Variants in TTI1 observed in about 807,000 individuals in gnomAD.
TTI1 encodes the protein TELO2-interacting protein 1 homolog.
Under a neutral mutation model 85.4 loss-of-function variants are expected in TTI1, and 52 were observed. The observed-to-expected ratio is 0.61, with a 90% CI of 0.49 to 0.77. The LOEUF (loss-of-function observed/expected upper bound fraction) is 0.77, where lower values mean the gene tolerates loss of function less well. Ranked by LOEUF, TTI1 falls within the 30% of genes least tolerant of loss-of-function variation. The pLI, the probability that TTI1 is intolerant of heterozygous loss-of-function variation, is 0.00. For missense variants in TTI1, 1,173 were observed against 1,296.0 expected (o/e 0.91, Z 1.46); for synonymous variants, 512 against 503.9 (o/e 1.02, Z -0.22).
In TTI1 at chr20:38,013,688, A is replaced by C. The variant is rs745471509; in HGVS notation, c.129T>G (p.Ser43Arg). The C allele has an allele frequency of 3.7e-6, 6 of 1,614,194 alleles. No homozygotes were observed. Among genetic ancestry groups the C allele is most frequent in the Non-Finnish European group, 5.1e-6 (6 of 1,180,032 alleles). Residue 43 changes from serine to arginine, a missense_variant, in exon 2 of 8, where the codon AGT (serine) becomes AGG (arginine). Physicochemically the swap from Ser to Arg is moderately radical, Grantham distance 110 (BLOSUM62 -1). Coordinates refer to ENST00000373447, the MANE Select transcript of TTI1 (RefSeq NM_001303457.2). ...TGTACTGCTGAAGTTCCTGAAGGGCACTGTCACTCACAGCTTGTAGTCGTG... is the reference window on the plus strand; with the variant it reads ...TGTACTGCTGAAGTTCCTGAAGGGCCCTGTCACTCACAGCTTGTAGTCGTG... ...LQTRLQAVSDSALQELQQYIL... is the reference protein window; with the variant it reads ...LQTRLQAVSDRALQELQQYIL...
intron 5 of TTI1, among the ~76,000 whole-genome samples, 190 bp from the exon 6 acceptor site, chr20:37,997,143 G>A (rs2073354465): frequency 6.6e-6 from 1 of 151,766 alleles, no homozygotes; most frequent in African/African-American, 2.4e-5. Context: ...TGCTCCCAAG[G>A]CATGGCTGCT....
chr20:37,999,748 C>T (rs958807072), intron 4 of TTI1, among the ~76,000 whole-genome samples: 2 of 152,086 alleles, frequency 1.3e-5, no homozygotes, highest in Non-Finnish European at 1.5e-5. Flanking sequence ...AACTGGAAAC[C>T]GTGATGAGGA....
chr20:37,996,630 A>G, intron 6 of TTI1, 119 bp downstream of exon 6: 1 of 1,405,226 alleles, frequency 7.1e-7, no homozygotes. Context: ...AGGCCAAAAT[A>G]AGACGGAAGG....
At chr20:37,994,384 C>T (rs2073308865) in intron 7 of TTI1, among the ~76,000 whole-genome samples, 1 of 152,214 alleles carries the variant, frequency 6.6e-6, no homozygotes, top group Non-Finnish European at 1.5e-5. Context: ...CTGCCTGCCT[C>T]AGACTCCCAA....
chr20:38,020,942 T>C (rs574263695), intron 1 of TTI1, among the ~76,000 whole-genome samples: 39 of 152,346 alleles, frequency 2.6e-4, no homozygotes, highest in African/African-American at 8.7e-4. Context: ...GTTGGCAGTA[T>C]CTATTATTTC....
At chr20:37,996,329 A>C in intron 7 of TTI1, 46 bp downstream of exon 7, 1 of 1,599,968 alleles carries the variant, frequency 6.3e-7, no homozygotes, top group East Asian at 2.2e-5. Context: ...AATCATCTGT[A>C]ATTTAGAACA....
chr20:38,022,064 C>T (rs2073778344), intron 1 of TTI1, among the ~76,000 whole-genome samples: 1 of 152,184 alleles, frequency 6.6e-6, no homozygotes, highest in Non-Finnish European at 1.5e-5. Context: ...GCTCAAGGTG[C>T]AAGGCCTGTC....
At chr20:38,030,714 A>G (rs774450553) in intron 1 of TTI1, among the ~76,000 whole-genome samples, 2 of 152,220 alleles carry the variant, frequency 1.3e-5, no homozygotes, top group Non-Finnish European at 2.9e-5. Context: ...TATATGTTGA[A>G]GAATCCTAGG....
intron 2 of TTI1, among the ~76,000 whole-genome samples, chr20:38,009,986 G>C (rs180878341): frequency 3.5e-4 from 54 of 152,304 alleles, no homozygotes; most frequent in Middle Eastern, 3.4e-3. Context: ...AATCTGCCGT[G>C]AGCTTGTCTA....
rs775191517 is a variant in TTI1 at position 38,012,544 on chromosome 20, G to A, written c.1273C>T (p.Leu425Phe). The change falls in exon 2 of 8, where the codon CTC (leucine) becomes TTC (phenylalanine). Residue 425 changes from leucine to phenylalanine, a missense_variant. Physicochemically the swap from Leu to Phe is conservative, Grantham distance 22 (BLOSUM62 0). Transcript: ENST00000373447. ...INFVLNSVAH[L>F]QRLSKALIQV... Reference sequence around the variant, plus strand: ...ATGAGTGCTTTGGAAAGCCGCTGGAGATGGGCCACAGAGTTGAGGACAAAG... The same window carrying A: ...ATGAGTGCTTTGGAAAGCCGCTGGAAATGGGCCACAGAGTTGAGGACAAAG... The A allele has an allele frequency of 7.4e-6, 12 of 1,614,230 alleles. No individual in the cohort carries two copies. The highest frequency in any genetic ancestry group is 1.0e-5 in the Non-Finnish European group (12 of 1,180,038).
intron 7 of TTI1, among the ~76,000 whole-genome samples, chr20:37,995,940 C>T (rs1238843993): frequency 6.6e-6 from 1 of 152,192 alleles, no homozygotes; most frequent in East Asian, 1.9e-4. Context: ...TTGCTTTGCA[C>T]TTGTGAGGGT....
rs2073893589 is a variant in TTI1, at chr20:38,030,554, C to CAA, written c.-42+2849_-42+2850insTT. Among the ~76,000 whole-genome samples, 5 of 152,060 alleles carry CAA rather than the reference C, an allele frequency of 3.3e-5. No homozygotes were observed. In the South Asian group the frequency reaches 1.0e-3, roughly 32 times the overall value. ...ACACACACACACACACACACACACA[C>CAA]ACACACACCATGATAAAGTGGGGTA... On this transcript the variant is annotated intron_variant, in intron 1 of 7. Transcript: ENST00000373447.
At chr20:37,988,362 C>A (rs1388166301) in intron 7 of TTI1, among the ~76,000 whole-genome samples, 1 of 152,194 alleles carries the variant, frequency 6.6e-6, no homozygotes, top group South Asian at 2.1e-4. Context: ...TATGGCAAAA[C>A]CAAAAAGAAC....
intron 7 of TTI1, among the ~76,000 whole-genome samples, chr20:37,989,726 T>G (rs1174558083): frequency 6.6e-6 from 1 of 152,234 alleles, no homozygotes. Flanking sequence ...CTGGAAGGTA[T>G]GTACCCTTGA....
chr20:38,020,939 G>A (rs2073762647), intron 1 of TTI1, among the ~76,000 whole-genome samples: 1 of 152,160 alleles, frequency 6.6e-6, no homozygotes, highest in African/African-American at 2.4e-5. Flanking sequence ...CTCGTTGGCA[G>A]TATCTATTAT....
intron 2 of TTI1, 32 bp downstream of exon 2, chr20:38,011,483 C>T: frequency 1.2e-6 from 2 of 1,603,396 alleles, no homozygotes; most frequent in Non-Finnish European, 1.7e-6. Context: ...CTGTCCCCCA[C>T]ACATCAGCAT....
Position 37,999,337 on chromosome 20 carries a change from G to C in TTI1, c.2653-9C>G, listed in dbSNP as rs1384768025. 3 of 1,394,506 alleles carry C rather than the reference G, an allele frequency of 2.2e-6. No individual in the cohort carries two copies. The African/African-American group carries it at 4.4e-5, about 21-fold the overall frequency. The allele number at this position is 1,394,506 out of a possible 1,614,324, so 86.4% of individuals were successfully genotyped here. ...TCCAGCACATCCAAGACCTGAAAGAGACACGATTTCAGCAGATGGTATAGG... is the reference window on the plus strand; with the variant it reads ...TCCAGCACATCCAAGACCTGAAAGACACACGATTTCAGCAGATGGTATAGG... On this transcript the variant is annotated splice_polypyrimidine_tract_variant and intron_variant, in intron 4 of 7. Transcript: ENST00000373447.
intron 3 of TTI1, among the ~76,000 whole-genome samples, chr20:38,005,544 T>C (rs1215876089): frequency 6.6e-6 from 1 of 152,176 alleles, no homozygotes; most frequent in Non-Finnish European, 1.5e-5. Context: ...TCAACCTCAC[T>C]GGTAATCAAA....
rs150616920 is a variant in TTI1 at position 38,027,574 on chromosome 20, T to C, written c.-42+5830A>G. ...TGTTTAACATAAATTTTTTATGCTG[T>C]ATGTATTATATGCTGTGTTCTTACA... On this transcript the variant is annotated intron_variant, in intron 1 of 7. Coordinates refer to ENST00000373447, the MANE Select transcript of TTI1 (RefSeq NM_001303457.2). 3.7e-3 allele frequency among the ~76,000 whole-genome samples: 558 copies of C among 152,310 alleles called. 1 individual carries two copies. The highest frequency in any genetic ancestry group is 0.02 in the Middle Eastern group (6 of 294).
Sources: gnomAD v4.1 joint callset for allele counts (sites outside exome capture counted in the v4.1 genomes callset) on GRCh38, gnomAD v4.1.1 for gene constraint, MANE v1.5 for transcripts, NCBI Gene and HGNC (gene_info 2026-07-23, HGNC 2026-07-21) for gene names.